WDR47: variants seen among roughly 807,000 people sequenced by gnomAD.
WDR47 encodes WD repeat domain 47.
Under a neutral mutation model 97.2 loss-of-function variants are expected in WDR47, and 32 were observed. That is an observed-to-expected ratio of 0.33 (90% CI 0.25 to 0.44). The LOEUF (loss-of-function observed/expected upper bound fraction) is 0.44, where lower values mean the gene tolerates loss of function less well. Among genes scored for constraint, WDR47 ranks in the 20% least tolerant of loss-of-function variants. The pLI is 1.00. For missense variants in WDR47, 782 were observed against 1,102.3 expected, an observed-to-expected ratio of 0.71 and a Z score of 4.11; for synonymous variants, 375 against 373.5, an observed-to-expected ratio of 1.00 and a Z score of -0.05.
chr1:108,977,562 C>CAAA (rs897246778), intron 13 of WDR47, among the ~76,000 whole-genome samples: 12 of 152,266 alleles, frequency 7.9e-5, no homozygotes, highest in African/African-American at 2.9e-4. Flanking sequence ...ACTAAGAACT[C>CAAA]TTTTTAAGGC....
chr1:109,025,518 G>A (rs1293388385), intron 1 of WDR47, among the ~76,000 whole-genome samples: 1 of 151,252 alleles, frequency 6.6e-6, no homozygotes, highest in East Asian at 1.9e-4. Flanking sequence ...GGTGGATTAT[G>A]AGATCAGGAG....
intron 1 of WDR47, among the ~76,000 whole-genome samples, chr1:109,040,180 A>C (rs1663256715): frequency 6.6e-6 from 1 of 152,210 alleles, no homozygotes; most frequent in Non-Finnish European, 1.5e-5. Flanking sequence ...AGCAGCTCTT[A>C]CAAGAATGCA....
At chr1:109,039,713 T>G (rs1188151460) in intron 1 of WDR47, among the ~76,000 whole-genome samples, 1 of 151,966 alleles carries the variant, frequency 6.6e-6, no homozygotes, top group African/African-American at 2.4e-5. Context: ...ATTTGGAGTC[T>G]GAAGACCTGG....
intron 7 of WDR47, among the ~76,000 whole-genome samples, chr1:108,997,912 A>T (rs550166736): frequency 6.6e-6 from 1 of 152,246 alleles, no homozygotes; most frequent in African/African-American, 2.4e-5. Context: ...GAGTACAATT[A>T]TTGAGAGGTG....
In WDR47 at chr1:109,011,626, A is replaced by G. The variant is rs1298352856; in HGVS notation, c.420T>C (p.Leu140=). The part of the protein sequence containing the change: ...SKDDYSKLCL[L]LTLPRLTNHA... ...GATTGGTCAGACGAGGCAAAGTCAA[A>G]AGCAAACAGAGCTTACTATAGTCAT... is the stretch of plus-strand genomic sequence containing the variant. The change falls in exon 5 of 15, where the codon CTT becomes CTC. Residue 140 remains leucine (L), a synonymous_variant. Transcript: ENST00000369962. The G allele has an allele frequency of 6.2e-7, 1 of 1,614,196 alleles. No homozygotes were observed. The highest frequency in any genetic ancestry group is 8.5e-7 in the Non-Finnish European group (1 of 1,180,030).
chr1:109,037,127 C>G (rs1478749551), intron 1 of WDR47, among the ~76,000 whole-genome samples: 1 of 147,744 alleles, frequency 6.8e-6, no homozygotes, highest in Non-Finnish European at 1.5e-5. Flanking sequence ...GTTGGGAGTT[C>G]AAGACCAGCC....
At chr1:109,038,331 A>G (rs1663102032) in intron 1 of WDR47, among the ~76,000 whole-genome samples, 1 of 152,206 alleles carries the variant, frequency 6.6e-6, no homozygotes, top group African/African-American at 2.4e-5. Context: ...GCTGTGAAGT[A>G]TAAAAATTTA....
chr1:108,998,350 A>G (rs1429474335), intron 7 of WDR47, among the ~76,000 whole-genome samples: 1 of 152,004 alleles, frequency 6.6e-6, no homozygotes, highest in Admixed American at 6.6e-5. Context: ...TAAAAATACA[A>G]AAATTAGCCA....
At chr1:108,980,400 T>A (rs949374625) in intron 13 of WDR47, among the ~76,000 whole-genome samples, 4 of 152,060 alleles carry the variant, frequency 2.6e-5, no homozygotes, top group Admixed American at 6.6e-5. Context: ...TCACTTGGAA[T>A]AGTACCATAG....
intron 7 of WDR47, among the ~76,000 whole-genome samples, chr1:108,997,382 G>C (rs2101885254): frequency 6.6e-6 from 1 of 151,298 alleles, no homozygotes; most frequent in East Asian, 1.9e-4. Context: ...GGTCAAGGCT[G>C]CAATGGGCCG....
At chr1:109,010,088 A>G (rs1660921456) in intron 5 of WDR47, among the ~76,000 whole-genome samples, 1 of 152,176 alleles carries the variant, frequency 6.6e-6, no homozygotes, top group African/African-American at 2.4e-5. Context: ...TAATTCTCAT[A>G]CTATTACTCT....
At chr1:109,026,004 A>G (rs1441822211) in intron 1 of WDR47, among the ~76,000 whole-genome samples, 2 of 152,098 alleles carry the variant, frequency 1.3e-5, no homozygotes, top group African/African-American at 2.4e-5. Context: ...GACTTCGTCC[A>G]AAAGAGGATA....
At chr1:108,996,176 C>T (rs926179068) in intron 7 of WDR47, among the ~76,000 whole-genome samples, 2 of 152,118 alleles carry the variant, frequency 1.3e-5, no homozygotes, top group Non-Finnish European at 2.9e-5. Context: ...CTTCCACCTC[C>T]CACACATACC....
intron 1 of WDR47, among the ~76,000 whole-genome samples, chr1:109,033,418 A>T (rs1036962435): frequency 6.6e-6 from 1 of 152,242 alleles, no homozygotes; most frequent in African/African-American, 2.4e-5. Flanking sequence ...GACAATTCAC[A>T]AAAGAACTAT....
intron 5 of WDR47, among the ~76,000 whole-genome samples, chr1:109,007,034 C>CTGCAGTGAGGCTGCAGTGAGGA (rs1553232664): frequency 4.6e-5 from 7 of 151,840 alleles, no homozygotes; most frequent in Non-Finnish European, 7.4e-5. Context: ...ACCTCCTGGG[C>CTGCAGTGAGGCTGCAGTGAGGA]TCAATTGATC....
chr1:109,016,101 A>G (rs544636), intron 3 of WDR47, among the ~76,000 whole-genome samples: 149,717 of 152,114 alleles, frequency 0.98, 73,733 homozygotes, highest in Middle Eastern at 1. Flanking sequence ...AGAAGGCTGT[A>G]GCTTGAAAAG....
chr1:109,021,136 G>A (rs1369883568), intron 2 of WDR47, among the ~76,000 whole-genome samples: 3 of 152,108 alleles, frequency 2.0e-5, no homozygotes, highest in African/African-American at 7.2e-5. Context: ...ATTCAGACTA[G>A]AATATATTTA....
rs1660279806 is a variant in WDR47, at chr1:109,002,365, C to T, written c.1292G>A (p.Arg431Lys). 1.2e-6 allele frequency: 2 copies of T among 1,607,580 alleles called. No individual in the cohort carries two copies. Residue 431 changes from arginine (R) to lysine (K), a missense_variant, in exon 7 of 15, where the codon AGG (arginine) becomes AAG (lysine). This residue lies in a region of WDR47 where 428 missense variants were observed against 584.3 expected (regional missense o/e 0.73). Coordinates refer to ENST00000369962, the MANE Select transcript of WDR47 (RefSeq NM_001142551.2). ...DSTEQFQEYY[R>K]QRLRYQQHLE... Reference sequence around the variant, plus strand: ...ATGCTGTTGATAGCGTAATCTTTGCCTATAATATTCTTGAAATTGTTCTGT... The same window carrying T: ...ATGCTGTTGATAGCGTAATCTTTGCTTATAATATTCTTGAAATTGTTCTGT...
At position 109,036,762 on chromosome 1, in the gene WDR47, G is replaced by A. The variant is rs756213741; in HGVS notation, c.-10+5100C>T. Among the ~76,000 whole-genome samples, 9 of 151,704 alleles carry A rather than the reference G, an allele frequency of 5.9e-5. No individual in the cohort carries two copies. In the South Asian group the frequency reaches 1.0e-3, roughly 18 times the overall value. On this transcript the variant is annotated intron_variant, in intron 1 of 14. Coordinates refer to ENST00000369962, the MANE Select transcript of WDR47 (RefSeq NM_001142551.2). ...GAGGCAGGAGAATGGCGTGAACCCC[G>A]GGGCGGAGCTTGCAGTGAGCCGAGA...
Sources: allele counts gnomAD v4.1 joint callset (sites outside exome capture counted in the v4.1 genomes callset), GRCh38; gene constraint gnomAD v4.1.1; regional missense constraint gnomAD v4.1.1; transcripts MANE v1.5; gene names NCBI Gene and HGNC (gene_info 2026-07-23, HGNC 2026-07-21).